The following NCOA2 variants were observed in gnomAD, a reference collection of about 807,000 sequenced individuals.
The protein encoded by NCOA2 is nuclear receptor coactivator 2.
A neutral mutation model predicts 145.1 loss-of-function variants in NCOA2; 21 were observed. That is an observed-to-expected ratio of 0.14 (90% CI 0.10 to 0.21). NCOA2 has a LOEUF of 0.21. Ranked by LOEUF, NCOA2 falls within the 10% of genes least tolerant of loss-of-function variation. The pLI is 1.00. For missense variants in NCOA2, 1,472 were observed against 1,837.6 expected (o/e 0.80, Z 3.64); for synonymous variants, 619 against 637.5 (o/e 0.97, Z 0.44).
the NCOA2 span, among the ~76,000 whole-genome samples, chr8:70,433,270 A>G: frequency 1.3e-5 from 2 of 152,112 alleles, no homozygotes; most frequent in Non-Finnish European, 2.9e-5. Flanking sequence ...TTGAGCATCT[A>G]TAGTACACAA....
intron 4 of NCOA2, among the ~76,000 whole-genome samples, chr8:70,203,261 CAAA>C (rs34990647): frequency 8.2e-6 from 1 of 121,966 alleles, no homozygotes; most frequent in Non-Finnish European, 1.6e-5. Context: ...GACTCTGTCT[CAAA>C]AAAAAAAAGA....
At chr8:70,399,654 TA>T (rs1383088442) in intron 1 of NCOA2, among the ~76,000 whole-genome samples, 6 of 152,232 alleles carry the variant, frequency 3.9e-5, no homozygotes, top group Admixed American at 3.9e-4. Flanking sequence ...AGTTTTTTCA[TA>T]ACAATAAATA....
At chr8:70,400,866 T>C (rs1431595059) in intron 1 of NCOA2, among the ~76,000 whole-genome samples, 1 of 152,190 alleles carries the variant, frequency 6.6e-6, no homozygotes, top group East Asian at 1.9e-4. Flanking sequence ...CCAAGATTAA[T>C]AAAAGCTTGA....
At chr8:70,181,164 T>C (rs1228830940) in intron 4 of NCOA2, among the ~76,000 whole-genome samples, 1 of 152,206 alleles carries the variant, frequency 6.6e-6, no homozygotes, top group African/African-American at 2.4e-5. Flanking sequence ...CAGAGTTCTA[T>C]CCCTTCACTG....
the NCOA2 span, among the ~76,000 whole-genome samples, chr8:70,430,486 C>T: frequency 8.5e-5 from 13 of 152,200 alleles, no homozygotes; most frequent in East Asian, 3.9e-4. Flanking sequence ...TCCTTGAAAC[C>T]GCCACCTTGA....
chr8:70,215,957 T>C (rs1306655827), intron 3 of NCOA2, among the ~76,000 whole-genome samples: 1 of 152,266 alleles, frequency 6.6e-6, no homozygotes, highest in Non-Finnish European at 1.5e-5. Context: ...ATCCTCATCT[T>C]TATCCTAGCT....
chr8:70,411,378 G>A, the NCOA2 span, among the ~76,000 whole-genome samples: 1 of 152,144 alleles, frequency 6.6e-6, no homozygotes, highest in South Asian at 2.1e-4. Context: ...AAAATGCAAA[G>A]GAATCTACAA....
chr8:70,114,025 T>C (rs1488401651), intron 22 of NCOA2, among the ~76,000 whole-genome samples: 1 of 152,168 alleles, frequency 6.6e-6, no homozygotes, highest in Non-Finnish European at 1.5e-5. Flanking sequence ...CAGCATCCGA[T>C]CCAGAAGGGG....
intron 2 of NCOA2, among the ~76,000 whole-genome samples, chr8:70,252,266 C>G (rs576413953): frequency 2.6e-5 from 4 of 152,278 alleles, no homozygotes; most frequent in African/African-American, 9.6e-5. Flanking sequence ...GAGAGAAGAT[C>G]ATACTACTTA....
At chr8:70,169,890 A>AATCATCATC (rs56144437) in intron 6 of NCOA2, among the ~76,000 whole-genome samples, 15,620 of 150,078 alleles carry the variant, frequency 0.1, 923 homozygotes, top group Middle Eastern at 0.15. Context: ...TGCCAAGCAA[A>AATCATCATC]ATCATCATCA....
intron 11 of NCOA2, among the ~76,000 whole-genome samples, chr8:70,149,229 T>C (rs1811471475): frequency 6.6e-6 from 1 of 151,478 alleles, no homozygotes; most frequent in Non-Finnish European, 1.5e-5. Context: ...GCTATAAAAA[T>C]GTTTTTTTTG....
At chr8:70,149,481 T>C (rs1434979309) in intron 11 of NCOA2, among the ~76,000 whole-genome samples, 1 of 150,784 alleles carries the variant, frequency 6.6e-6, no homozygotes, top group African/African-American at 2.4e-5. Flanking sequence ...GCTCAAGCAG[T>C]CCTCCTGCCT....
intron 1 of NCOA2, among the ~76,000 whole-genome samples, chr8:70,334,756 A>T (rs1004262019): frequency 3.3e-5 from 5 of 152,142 alleles, no homozygotes; most frequent in Admixed American, 2.6e-4. Context: ...CCAAACTTCA[A>T]TTATCAAAAA....
chr8:70,396,586 T>C (rs773873492), intron 1 of NCOA2, among the ~76,000 whole-genome samples: 4 of 152,230 alleles, frequency 2.6e-5, no homozygotes, highest in Non-Finnish European at 4.4e-5. Context: ...TTCACCCATA[T>C]AATTCTTATT....
intron 2 of NCOA2, among the ~76,000 whole-genome samples, chr8:70,221,786 A>C (rs922290783): frequency 6.6e-6 from 1 of 152,212 alleles, no homozygotes; most frequent in African/African-American, 2.4e-5. Context: ...ACAGACAAAT[A>C]AAACAGAAGT....
At chr8:70,360,123 T>C in intron 1 of NCOA2, among the ~76,000 whole-genome samples, 1 of 152,330 alleles carries the variant, frequency 6.6e-6, no homozygotes, top group East Asian at 1.9e-4. Context: ...ATTAAGCTAA[T>C]TTATAAGTAA....
intron 1 of NCOA2, among the ~76,000 whole-genome samples, chr8:70,310,889 T>C (rs1201749841): frequency 2.0e-5 from 3 of 152,224 alleles, no homozygotes; most frequent in Non-Finnish European, 1.5e-5. Context: ...TATTCAAATT[T>C]CATACAATGC....
intron 1 of NCOA2, among the ~76,000 whole-genome samples, chr8:70,380,894 G>A (rs1812130117): frequency 6.6e-6 from 1 of 151,956 alleles, no homozygotes; most frequent in Non-Finnish European, 1.5e-5. Context: ...GGGCAACATG[G>A]CAAAAACCCA....
chr8:70,113,324 G>A lies in NCOA2; in HGVS notation c.*308C>T. 4.1e-6 allele frequency: 2 copies of A among 486,282 alleles called. No homozygotes were observed. Among genetic ancestry groups the A allele is most frequent in the South Asian group, 7.2e-5 (2 of 27,698 alleles). The allele number at this position is 486,282 out of a possible 1,614,324, so 30.1% of individuals were successfully genotyped here. ...ACATACATTTAAATACATTCAATCTGACATGGGTATGAAATTTGCCTGTCA... is the reference window on the plus strand; with the variant it reads ...ACATACATTTAAATACATTCAATCTAACATGGGTATGAAATTTGCCTGTCA... On this transcript the variant is annotated 3_prime_UTR_variant, in exon 23 of 23. Transcript: ENST00000452400.
Sources: allele counts gnomAD v4.1 joint callset (sites outside exome capture counted in the v4.1 genomes callset), GRCh38; gene constraint gnomAD v4.1.1; transcripts MANE v1.5; gene names NCBI Gene and HGNC (gene_info 2026-07-23, HGNC 2026-07-21).